Variants in MAMDC2 observed in about 807,000 individuals in gnomAD.
MAMDC2 encodes the protein MAM domain-containing protein 2.
MAMDC2 carries 57 observed loss-of-function variants against 89.8 expected under a neutral mutation model. The ratio of observed to expected loss-of-function variants is 0.63; its 90% CI spans 0.51 to 0.79. The LOEUF (loss-of-function observed/expected upper bound fraction) is 0.79, where lower values mean the gene tolerates loss of function less well. Ranked by LOEUF, MAMDC2 falls within the 30% of genes least tolerant of loss-of-function variation. The pLI is 0.00. For synonymous variants in MAMDC2, 313 were observed against 293.4 expected (o/e 1.07, Z -0.68); for missense variants, 800 against 820.6 (o/e 0.97, Z 0.31).
chr9:70,223,102 G>A, intron 12 of MAMDC2, among the ~76,000 whole-genome samples: 1 of 134,002 alleles, frequency 7.5e-6, no homozygotes, highest in Non-Finnish European at 1.5e-5. Flanking sequence ...TCGCATCACT[G>A]CACTCCAGCT....
At chr9:70,160,360 C>T (rs2031930186) in intron 9 of MAMDC2, among the ~76,000 whole-genome samples, 2 of 152,016 alleles carry the variant, frequency 1.3e-5, no homozygotes, top group East Asian at 1.9e-4. Flanking sequence ...ATAATGTCTT[C>T]ATTATTAGGG....
intron 2 of MAMDC2, among the ~76,000 whole-genome samples, chr9:70,098,863 A>C (rs1252830406): frequency 6.6e-6 from 1 of 152,156 alleles, no homozygotes; most frequent in African/African-American, 2.4e-5. Context: ...ACATCATAGG[A>C]TCATTTGACA....
At chr9:70,056,567 A>T (rs968747436) in intron 2 of MAMDC2, among the ~76,000 whole-genome samples, 5 of 152,180 alleles carry the variant, frequency 3.3e-5, no homozygotes, top group African/African-American at 1.2e-4. Context: ...AAGATAAGTG[A>T]TGTTGGGGAT....
At chr9:70,078,865 A>G (rs1372883193) in intron 2 of MAMDC2, among the ~76,000 whole-genome samples, 1 of 152,062 alleles carries the variant, frequency 6.6e-6, no homozygotes, top group African/African-American at 2.4e-5. Context: ...GCCAACAAAA[A>G]TCCTCATCCC....
At chr9:70,203,311 A>T (rs1035108387) in intron 11 of MAMDC2, among the ~76,000 whole-genome samples, 2 of 150,322 alleles carry the variant, frequency 1.3e-5, no homozygotes, top group African/African-American at 4.9e-5. Flanking sequence ...TCCTTCACTT[A>T]TGAAGCTTAG....
chr9:70,169,324 C>A (rs551890736), intron 10 of MAMDC2, among the ~76,000 whole-genome samples: 1 of 152,122 alleles, frequency 6.6e-6, no homozygotes, highest in Admixed American at 6.5e-5. Context: ...TCATACATTA[C>A]GCCTAATGAG....
At chr9:70,193,496 G>C (rs2032924065) in intron 11 of MAMDC2, among the ~76,000 whole-genome samples, 1 of 152,106 alleles carries the variant, frequency 6.6e-6, no homozygotes, top group Non-Finnish European at 1.5e-5. Flanking sequence ...CCTGTAATTA[G>C]ATGTACAATT....
intron 11 of MAMDC2, among the ~76,000 whole-genome samples, chr9:70,194,818 A>G (rs2032946667): frequency 6.6e-6 from 1 of 152,124 alleles, no homozygotes; most frequent in Non-Finnish European, 1.5e-5. Context: ...GTGCTTTTAT[A>G]AAATAGAAAA....
chr9:70,219,806 T>C (rs2033524579), intron 12 of MAMDC2, among the ~76,000 whole-genome samples: 1 of 152,248 alleles, frequency 6.6e-6, no homozygotes, highest in Non-Finnish European at 1.5e-5. Flanking sequence ...AACTTACTAA[T>C]ATAATTGATC....
intron 11 of MAMDC2, among the ~76,000 whole-genome samples, chr9:70,174,974 C>T (rs2032453053): frequency 6.6e-6 from 1 of 152,152 alleles, no homozygotes; most frequent in South Asian, 2.1e-4. Flanking sequence ...GATCCATCCA[C>T]CTTGGCCTCC....
At chr9:70,220,804 C>G (rs1424544555) in intron 12 of MAMDC2, among the ~76,000 whole-genome samples, 1 of 151,930 alleles carries the variant, frequency 6.6e-6, no homozygotes, top group Non-Finnish European at 1.5e-5. Flanking sequence ...TTGGAGATAC[C>G]TTTTACACTC....
intron 7 of MAMDC2, 29 bp from the exon 8 acceptor site, chr9:70,140,116 G>A (rs771790477): frequency 3.3e-4 from 504 of 1,539,232 alleles, no homozygotes; most frequent in Non-Finnish European, 4.3e-4. Flanking sequence ...CTTTGGGACT[G>A]TCATTAACTT....
intron 5 of MAMDC2, among the ~76,000 whole-genome samples, chr9:70,119,222 G>GAGGGATGCA (rs2030172752): frequency 6.7e-6 from 1 of 150,150 alleles, no homozygotes; most frequent in South Asian, 2.1e-4. Context: ...GAAAAATAAT[G>GAGGGATGCA]AGGGATGCAT....
chr9:70,217,718 TAC>T (rs2033476293), intron 11 of MAMDC2: 1 of 1,331,488 alleles, frequency 7.5e-7, no homozygotes, highest in Non-Finnish European at 1.1e-6. Context: ...TTAAAAAAAT[TAC>T]AGAGTATGTT....
In MAMDC2 at chr9:70,140,263, G is replaced by A. The variant is rs763822507; in HGVS notation, c.1113G>A (p.Arg371=). The change falls in exon 8 of 14, where the codon CGG becomes CGA. Residue 371 remains arginine, a synonymous_variant. Transcript: ENST00000377182. The part of the protein sequence containing the change: ...TRVKVKPNMY[R]AGDHTTGLGY... ...TGAAAGTAAAACCAAACATGTATCGGGCTGGAGACCACACTACAGGCTTAG... is the reference window on the plus strand; with the variant it reads ...TGAAAGTAAAACCAAACATGTATCGAGCTGGAGACCACACTACAGGCTTAG... The A allele has an allele frequency of 1.2e-6, 2 of 1,602,420 alleles. No individual in the cohort carries two copies. Among genetic ancestry groups the A allele is most frequent in the South Asian group, 2.3e-5 (2 of 88,470 alleles).
At chr9:70,112,948 C>T (rs1321123480) in intron 4 of MAMDC2, 47 bp from the exon 5 acceptor site, 4 of 1,610,920 alleles carry the variant, frequency 2.5e-6, no homozygotes, top group Admixed American at 1.7e-5. Flanking sequence ...TGCGTGTACC[C>T]AGGTGTGACT....
At chr9:70,196,082 A>G (rs898224889) in intron 11 of MAMDC2, among the ~76,000 whole-genome samples, 1 of 152,104 alleles carries the variant, frequency 6.6e-6, no homozygotes, top group Non-Finnish European at 1.5e-5. Flanking sequence ...GCGGCAAGGC[A>G]AGAGAGCTTG....
intron 2 of MAMDC2, among the ~76,000 whole-genome samples, chr9:70,070,227 C>T (rs1443621895): frequency 6.6e-6 from 1 of 152,168 alleles, no homozygotes; most frequent in Admixed American, 6.5e-5. Flanking sequence ...TATCTTTATC[C>T]TATGGAAGAC....
chr9:70,202,433 G>A (rs367895749), intron 11 of MAMDC2, among the ~76,000 whole-genome samples: 2 of 151,752 alleles, frequency 1.3e-5, no homozygotes, highest in South Asian at 2.1e-4. Context: ...TTGTTATAAT[G>A]TCTGTTCTTT....
Sources: allele counts gnomAD v4.1 joint callset (sites outside exome capture counted in the v4.1 genomes callset), GRCh38; gene constraint gnomAD v4.1.1; transcripts MANE v1.5; gene names NCBI Gene and HGNC (gene_info 2026-07-23, HGNC 2026-07-21).